SCFD2: variants seen among roughly 807,000 people sequenced by gnomAD.
The protein encoded by SCFD2 is sec1 family domain containing 2.
Under a neutral mutation model 58.9 loss-of-function variants are expected in SCFD2, and 54 were observed. The ratio of observed to expected loss-of-function variants is 0.92; its 90% confidence interval spans 0.74 to 1.15. The LOEUF is 1.15. Among genes scored for constraint, SCFD2 ranks in the 50% most tolerant of loss-of-function variants. The probability of loss-of-function intolerance (pLI) is 0.00; values close to 1 mark genes in which losing one functional copy is unlikely to be tolerated. For synonymous variants in SCFD2, 321 were observed against 335.9 expected, an observed-to-expected ratio of 0.96 and a Z score of 0.49; for missense variants, 805 against 836.6, an observed-to-expected ratio of 0.96 and a Z score of 0.47.
chr4:53,008,977 G>T (rs1221146750), intron 5 of SCFD2, among the ~76,000 whole-genome samples: 1 of 152,186 alleles, frequency 6.6e-6, no homozygotes, highest in African/African-American at 2.4e-5. Context: ...TCTAAAGCCT[G>T]ATGTGGAGAT....
chr4:53,067,743 C>T (rs1368665646), intron 5 of SCFD2, among the ~76,000 whole-genome samples: 1 of 152,070 alleles, frequency 6.6e-6, no homozygotes, highest in South Asian at 2.1e-4. Flanking sequence ...GTCAATTAAA[C>T]CTCTTTTGTT....
At chr4:53,265,890 C>G (rs1577913986) in intron 4 of SCFD2, among the ~76,000 whole-genome samples, 1 of 151,876 alleles carries the variant, frequency 6.6e-6, no homozygotes, top group East Asian at 1.9e-4. Flanking sequence ...CAGGCATGCA[C>G]CACCACATCC....
chr4:52,873,957 C>T lies in SCFD2; in HGVS notation c.*12G>A. On this transcript the variant is annotated 3_prime_UTR_variant, in exon 9 of 9. Transcript: ENST00000401642. ...TTCCAGCTTGAGTAGGTCTTATCTT[C>T]TTAGCGGATGCTCAGAAGCCAAGGT... 1 of 1,606,186 alleles carries T rather than the reference C, an allele frequency of 6.2e-7. No individual in the cohort carries two copies. The highest frequency in any genetic ancestry group is 8.5e-7 in the Non-Finnish European group (1 of 1,172,936).
At chr4:53,362,733 G>A (rs1232397085) in intron 1 of SCFD2, among the ~76,000 whole-genome samples, 2 of 151,618 alleles carry the variant, frequency 1.3e-5, no homozygotes, top group African/African-American at 4.8e-5. Context: ...GGTCAAGACA[G>A]AAGATGTTCC....
chr4:53,208,046 T>C (rs934189510), intron 4 of SCFD2, among the ~76,000 whole-genome samples: 1 of 151,722 alleles, frequency 6.6e-6, no homozygotes. Flanking sequence ...AACTTTCACC[T>C]CCCAGGCTCA....
chr4:52,980,012 G>T (rs1721340763), intron 5 of SCFD2, among the ~76,000 whole-genome samples: 1 of 152,160 alleles, frequency 6.6e-6, no homozygotes, highest in Admixed American at 6.6e-5. Flanking sequence ...GTCCAAGGGG[G>T]CACTGTGTCA....
At chr4:53,074,922 A>AT (rs1432940405) in intron 5 of SCFD2, among the ~76,000 whole-genome samples, 1 of 152,186 alleles carries the variant, frequency 6.6e-6, no homozygotes, top group African/African-American at 2.4e-5. Context: ...CACAAGCTGC[A>AT]TTAGCCCCTT....
chr4:53,205,697 A>G (rs1205527933), intron 4 of SCFD2, among the ~76,000 whole-genome samples: 2 of 151,952 alleles, frequency 1.3e-5, no homozygotes, highest in South Asian at 2.1e-4. Context: ...ATCTCTACTA[A>G]AAAAATACAA....
At chr4:53,156,511 C>T (rs534313502) in intron 4 of SCFD2, among the ~76,000 whole-genome samples, 2 of 151,820 alleles carry the variant, frequency 1.3e-5, no homozygotes, top group South Asian at 4.2e-4. Flanking sequence ...TCCTGACTAA[C>T]ACGGTGAAAC....
At chr4:53,275,031 C>A (rs538721602) in intron 3 of SCFD2, among the ~76,000 whole-genome samples, 1 of 152,252 alleles carries the variant, frequency 6.6e-6, no homozygotes, top group African/African-American at 2.4e-5. Context: ...GCAATGAAAC[C>A]ACCTGCATTT....
intron 4 of SCFD2, among the ~76,000 whole-genome samples, chr4:53,219,902 G>A (rs1728997314): frequency 6.6e-6 from 1 of 152,060 alleles, no homozygotes; most frequent in Non-Finnish European, 1.5e-5. Flanking sequence ...AGGTCTACAA[G>A]GCCTAAGAAT....
intron 5 of SCFD2, among the ~76,000 whole-genome samples, chr4:53,107,567 G>T (rs1408540515): frequency 1.3e-5 from 2 of 152,070 alleles, no homozygotes; most frequent in Non-Finnish European, 2.9e-5. Flanking sequence ...AAAAAGCAGG[G>T]GTTGTGATCC....
intron 4 of SCFD2, among the ~76,000 whole-genome samples, chr4:53,172,836 A>G (rs1444942243): frequency 1.3e-5 from 2 of 152,184 alleles, no homozygotes; most frequent in South Asian, 2.1e-4. Context: ...GTAATGTCCT[A>G]TGTAAGTTTG....
rs753591527 is a variant in SCFD2 at position 52,885,811 on chromosome 4, C to T, written c.1898G>A (p.Gly633Glu). The T allele has an allele frequency of 1.2e-6, 2 of 1,614,150 alleles. No individual in the cohort carries two copies. The highest frequency in any genetic ancestry group is 1.7e-6 in the Non-Finnish European group (2 of 1,180,000). Reference protein sequence around the residue: ...YPLLILFVVGGVTVSEVKMVK... With the variant: ...YPLLILFVVGEVTVSEVKMVK... ...CATTTTCACTTCAGAGACTGTGACCCCACCTACCACAAAGAGGATCAGGAG... is the reference window on the plus strand; with the variant it reads ...CATTTTCACTTCAGAGACTGTGACCTCACCTACCACAAAGAGGATCAGGAG... Residue 633 changes from glycine to glutamate, a missense_variant, in exon 8 of 9, where the codon GGG (glycine) becomes GAG (glutamate). Gly to Glu is a moderately conservative substitution (Grantham distance 98). Around this residue, in one of 3 missense-constraint regions of SCFD2, gnomAD observed 633 missense variants for 646.8 expected, o/e 0.98. Coordinates refer to ENST00000401642, the MANE Select transcript of SCFD2 (RefSeq NM_152540.4).
chr4:53,239,411 AGAGGGAGAG>A (rs1423871855), intron 4 of SCFD2, among the ~76,000 whole-genome samples: 7 of 111,250 alleles, frequency 6.3e-5, no homozygotes, highest in South Asian at 3.4e-4. Context: ...AGGGAGAGGG[AGAGGGAGAG>A]GAGGGAGAGG....
intron 2 of SCFD2, among the ~76,000 whole-genome samples, chr4:53,340,607 G>C (rs1405001943): frequency 1.3e-5 from 2 of 152,216 alleles, no homozygotes; most frequent in Non-Finnish European, 2.9e-5. Flanking sequence ...GCTTTGAAGA[G>C]AGAAGTGGTT....
intron 5 of SCFD2, among the ~76,000 whole-genome samples, chr4:52,970,107 T>G (rs1721060531): frequency 6.6e-6 from 1 of 152,106 alleles, no homozygotes; most frequent in African/African-American, 2.4e-5. Context: ...AGAAGACAGG[T>G]GATTTCTTCA....
At chr4:52,884,423 G>A (rs1052768680) in intron 8 of SCFD2, among the ~76,000 whole-genome samples, 2 of 142,498 alleles carry the variant, frequency 1.4e-5, no homozygotes, top group Admixed American at 6.9e-5. Flanking sequence ...GAGAGTGGAA[G>A]GGAAGACATC....
chr4:53,125,794 C>T (rs1292302929), intron 5 of SCFD2, among the ~76,000 whole-genome samples: 1 of 152,168 alleles, frequency 6.6e-6, no homozygotes, highest in East Asian at 1.9e-4. Flanking sequence ...GTCTGACTGG[C>T]AGGGTTTAGG....
Sources: allele counts gnomAD v4.1 joint callset (sites outside exome capture counted in the v4.1 genomes callset), GRCh38; gene constraint gnomAD v4.1.1; regional missense constraint gnomAD v4.1.1; transcripts MANE v1.5; gene names NCBI Gene and HGNC (gene_info 2026-07-23, HGNC 2026-07-21).